Variants in PDZD2 observed in about 807,000 individuals in gnomAD.
The protein encoded by PDZD2 is PDZ domain-containing protein 2.
A neutral mutation model predicts 220.7 loss-of-function variants in PDZD2; 90 were observed. That is an observed-to-expected ratio of 0.41 (90% CI 0.34 to 0.49). The LOEUF is 0.49. Ranked by LOEUF, PDZD2 falls within the 20% of genes least tolerant of loss-of-function variation. The pLI, the probability that PDZD2 is intolerant of heterozygous loss-of-function variation, is 0.28. For missense variants in PDZD2, 3,174 were observed against 3,608.5 expected, an observed-to-expected ratio of 0.88 and a Z score of 3.08; for synonymous variants, 1,375 against 1,450.5, an observed-to-expected ratio of 0.95 and a Z score of 1.18.
chr5:32,078,824 T>C (rs1402519120), intron 19 of PDZD2, among the ~76,000 whole-genome samples: 3 of 146,774 alleles, frequency 2.0e-5, no homozygotes, highest in South Asian at 4.4e-4. Context: ...AAAAAAAGTG[T>C]GGGGTGTGTA....
intron 5 of PDZD2, among the ~76,000 whole-genome samples, chr5:32,008,461 T>C (rs987600395): frequency 6.6e-6 from 1 of 152,078 alleles, no homozygotes; most frequent in Non-Finnish European, 1.5e-5. Context: ...TTTGTATTTT[T>C]AGTAGAGACG....
chr5:32,020,102 CTG>C (rs924677677), intron 6 of PDZD2, among the ~76,000 whole-genome samples: 2 of 150,526 alleles, frequency 1.3e-5, no homozygotes, highest in African/African-American at 4.9e-5. Flanking sequence ...GAGTCATCCT[CTG>C]TCACCCAGAC....
intron 1 of PDZD2, among the ~76,000 whole-genome samples, chr5:31,673,410 G>A (rs1746288987): frequency 6.6e-6 from 1 of 152,246 alleles, no homozygotes; most frequent in East Asian, 1.9e-4. Context: ...GGGATGCCAT[G>A]TTTGATAAGT....
rs1403588585 is a variant in PDZD2 at position 32,074,528 on chromosome 5, A to C, written c.3422A>C (p.Gln1141Pro). 1 of 1,614,142 alleles carries C rather than the reference A, an allele frequency of 6.2e-7. No individual in the cohort carries two copies. Among genetic ancestry groups the C allele is most frequent in the Non-Finnish European group, 8.5e-7 (1 of 1,179,956 alleles). Residue 1141 changes from glutamine (Q) to proline (P), a missense_variant, in exon 18 of 25, where the codon CAG (glutamine) becomes CCG (proline). Physicochemically the swap from Gln to Pro is moderately conservative, Grantham distance 76. Around this residue, in one of 4 missense-constraint regions of PDZD2, gnomAD observed 1,861 missense variants for 2,001.0 expected, o/e 0.93. Transcript: ENST00000438447. ...SEAEAKPSGS[Q>P]TVNLTGRAND... ...GCTGAGGCCAAGCCCAGTGGCTCACAGACAGTGAACCTGACTGGCAGAGCC... is the reference window on the plus strand; with the variant it reads ...GCTGAGGCCAAGCCCAGTGGCTCACCGACAGTGAACCTGACTGGCAGAGCC...
At chr5:32,093,062 G>A (rs191083698) in intron 21 of PDZD2, 38 bp downstream of exon 21, 10 of 1,067,306 alleles carry the variant, frequency 9.4e-6, no homozygotes, top group East Asian at 2.4e-5. Flanking sequence ...CATGAATTGC[G>A]GCCGCGTGAG....
chr5:32,034,217 G>A (rs561638616), intron 6 of PDZD2, among the ~76,000 whole-genome samples: 7 of 152,220 alleles, frequency 4.6e-5, no homozygotes, highest in African/African-American at 4.8e-5. Context: ...ACTTTCCAAC[G>A]TTTGGGACCT....
intron 1 of PDZD2, among the ~76,000 whole-genome samples, chr5:31,735,356 T>C (rs1179091121): frequency 6.6e-6 from 1 of 152,206 alleles, no homozygotes; most frequent in Admixed American, 6.5e-5. Context: ...ATTCTCCTGG[T>C]AGTTGGATCT....
intron 2 of PDZD2, among the ~76,000 whole-genome samples, chr5:31,886,864 T>A (rs1187313137): frequency 1.3e-5 from 2 of 152,176 alleles, no homozygotes; most frequent in East Asian, 1.9e-4. Flanking sequence ...CACCCAGCTA[T>A]TTTTTTGTAT....
intron 1 of PDZD2, among the ~76,000 whole-genome samples, chr5:31,673,645 G>A: frequency 6.6e-6 from 1 of 152,148 alleles, no homozygotes; most frequent in Non-Finnish European, 1.5e-5. Flanking sequence ...CTCGAAGATA[G>A]AGCCCTCACA....
chr5:31,729,099 C>CTTTTTTTTTT (rs10650811), intron 1 of PDZD2, among the ~76,000 whole-genome samples: 4 of 123,652 alleles, frequency 3.2e-5, no homozygotes, highest in Admixed American at 9.5e-5. Context: ...TGATCGAAAT[C>CTTTTTTTTTT]TTTTTTTTTT....
intron 1 of PDZD2, among the ~76,000 whole-genome samples, chr5:31,645,805 A>G (rs565793707): frequency 1.3e-5 from 2 of 152,168 alleles, no homozygotes; most frequent in Middle Eastern, 3.4e-3. Flanking sequence ...TAGTATTCCT[A>G]CCGTGAGCAG....
chr5:32,015,508 T>G (rs1161621554), intron 6 of PDZD2, among the ~76,000 whole-genome samples: 1 of 152,168 alleles, frequency 6.6e-6, no homozygotes, highest in Non-Finnish European at 1.5e-5. Context: ...CACCTCGGCC[T>G]CCCAGATAGC....
At chr5:32,064,005 T>A (rs1247274108) in intron 14 of PDZD2, among the ~76,000 whole-genome samples, 1 of 152,174 alleles carries the variant, frequency 6.6e-6, no homozygotes, top group Non-Finnish European at 1.5e-5. Flanking sequence ...AGCCCACTAA[T>A]TTTTTTCTCA....
Position 32,083,487 on chromosome 5 carries a change from C to A in PDZD2, c.3683-3644C>A, listed in dbSNP as rs1742164266. ...CCACGGATGTGCTGTAACGAGTCAA[C>A]CTTCCTCCCATGATTGGGCATTTCG... is the stretch of plus-strand genomic sequence containing the variant. On this transcript the variant is annotated intron_variant, in intron 19 of 24. Coordinates refer to ENST00000438447, the MANE Select transcript of PDZD2 (RefSeq NM_178140.4). The surrounding 1 kb of genome is among the most constrained non-coding windows in gnomAD (Gnocchi z 4.1). 1 of 152,172 alleles carries A rather than the reference C, an allele frequency of 6.6e-6. No homozygotes were observed. Among genetic ancestry groups the A allele is most frequent in the Non-Finnish European group, 1.5e-5 (1 of 68,038 alleles). The allele number at this position is 152,172 out of a possible 1,614,324, so 9.4% of individuals were successfully genotyped here.
intron 1 of PDZD2, among the ~76,000 whole-genome samples, chr5:31,675,912 G>A (rs1247223782): frequency 2.0e-5 from 3 of 152,044 alleles, no homozygotes; most frequent in East Asian, 1.9e-4. Flanking sequence ...ATGTGGCCCC[G>A]GCTAGCCTCA....
chr5:32,060,641 C>A (rs1056470340), intron 13 of PDZD2, among the ~76,000 whole-genome samples: 3 of 152,144 alleles, frequency 2.0e-5, no homozygotes, highest in African/African-American at 7.2e-5. Context: ...CCTATCTGCA[C>A]AATGGGAATA....
At chr5:31,775,923 A>G (rs1265726112) in intron 1 of PDZD2, among the ~76,000 whole-genome samples, 1 of 151,978 alleles carries the variant, frequency 6.6e-6, no homozygotes, top group South Asian at 2.1e-4. Flanking sequence ...GTTTTTGACT[A>G]AGGCTTCATG....
chr5:31,884,903 A>G (rs1364439528), intron 2 of PDZD2, among the ~76,000 whole-genome samples: 1 of 152,088 alleles, frequency 6.6e-6, no homozygotes, highest in Non-Finnish European at 1.5e-5. Context: ...TCAGCCTCCC[A>G]AAGTGCTGGG....
At chr5:32,066,092 G>A (rs1014907781) in intron 14 of PDZD2, among the ~76,000 whole-genome samples, 1 of 151,188 alleles carries the variant, frequency 6.6e-6, no homozygotes, top group Non-Finnish European at 1.5e-5. Context: ...TGTGTAATCC[G>A]AGCACTTTGC....
Sources: gnomAD v4.1 joint callset for allele counts (sites outside exome capture counted in the v4.1 genomes callset) on GRCh38, gnomAD v4.1.1 for gene constraint, gnomAD v4.1.1 regional missense constraint, Gnocchi (gnomAD v3.1) non-coding constraint, MANE v1.5 for transcripts, NCBI Gene and HGNC (gene_info 2026-07-23, HGNC 2026-07-21) for gene names.